The following PCNT variants were observed in gnomAD, a reference collection of about 807,000 sequenced individuals.
The protein encoded by PCNT is pericentrin.
A neutral mutation model predicts 380.4 loss-of-function variants in PCNT; 319 were observed. The ratio of observed to expected loss-of-function variants is 0.84; its 90% CI spans 0.77 to 0.92. PCNT has a LOEUF of 0.92. Ranked by LOEUF, PCNT falls within the 40% of genes least tolerant of loss-of-function variation. The probability of loss-of-function intolerance (pLI) is 0.00; values close to 1 mark genes in which losing one functional copy is unlikely to be tolerated. For synonymous variants in PCNT, 1,845 were observed against 1,735.2 expected, an observed-to-expected ratio of 1.06 and a Z score of -1.57; for missense variants, 4,400 against 4,255.3, an observed-to-expected ratio of 1.03 and a Z score of -0.95.
chr21:46,417,233 A>G (rs1315382646), intron 30 of PCNT, among the ~76,000 whole-genome samples: 8 of 118,860 alleles, frequency 6.7e-5, no homozygotes, highest in Non-Finnish European at 8.0e-5. Context: ...TCGCTCTGTC[A>G]CCCAGGCTAG....
chr21:46,390,983 G>T (rs536527472), intron 20 of PCNT, 151 bp downstream of exon 20: 7 of 1,157,058 alleles, frequency 6.0e-6, no homozygotes, highest in Non-Finnish European at 8.8e-6. Context: ...TGGGAGGAAT[G>T]GGGTGGTCGG....
Position 46,425,755 on chromosome 21 carries a change from CG to C in PCNT, c.7180-72del, listed in dbSNP as rs1308899176. On this transcript the variant is annotated intron_variant, in intron 32 of 46. Transcript: ENST00000359568. This position sits in a 1 kb window ranked among gnomAD's most constrained non-coding sequence, Gnocchi z 4.2. ...CCTTCACAGAGTCCTGGCGGCAGCTCGGGGCCGCAGGTGGTGTAGAGCGTGG... is the reference window on the plus strand; with the variant it reads ...CCTTCACAGAGTCCTGGCGGCAGCTCGGGCCGCAGGTGGTGTAGAGCGTGG... 1 of 1,602,462 alleles carries C rather than the reference CG, an allele frequency of 6.2e-7. No individual in the cohort carries two copies. The highest frequency in any genetic ancestry group is 8.5e-7 in the Non-Finnish European group (1 of 1,175,108).
At chr21:46,444,647 C>CTTTTTTT in intron 45 of PCNT, 47 bp from the exon 46 acceptor site, 1 of 1,471,848 alleles carries the variant, frequency 6.8e-7, no homozygotes, top group South Asian at 1.2e-5. Context: ...AAACTCAACT[C>CTTTTTTT]TTTTTTTTTT....
At chr21:46,426,160 A>G (rs2087497465) in intron 33 of PCNT, among the ~76,000 whole-genome samples, 189 bp downstream of exon 33, 1 of 134,570 alleles carries the variant, frequency 7.4e-6, no homozygotes, top group East Asian at 2.2e-4. Flanking sequence ...CAGCCTCCCG[A>G]GTAGCTGGGA....
chr21:46,405,675 G>A (rs1018765272), intron 27 of PCNT, among the ~76,000 whole-genome samples: 6 of 152,014 alleles, frequency 3.9e-5, no homozygotes, highest in South Asian at 2.1e-4. Context: ...CAGCCTGGGC[G>A]ACAGAGCAAG....
At chr21:46,381,477 C>T (rs2085538504) in intron 15 of PCNT, among the ~76,000 whole-genome samples, 1 of 152,024 alleles carries the variant, frequency 6.6e-6, no homozygotes, top group Non-Finnish European at 1.5e-5. Flanking sequence ...ACTTGTGTCT[C>T]CTTAAGTGTT....
At chr21:46,358,748 C>T (rs1471477672) in intron 13 of PCNT, among the ~76,000 whole-genome samples, 1 of 151,988 alleles carries the variant, frequency 6.6e-6, no homozygotes, top group African/African-American at 2.4e-5. Context: ...CCTCAGCCTC[C>T]CTAGTAGCTG....
chr21:46,336,116 A>G (rs1031006845), intron 3 of PCNT, among the ~76,000 whole-genome samples: 1 of 152,192 alleles, frequency 6.6e-6, no homozygotes, highest in Non-Finnish European at 1.5e-5. Flanking sequence ...AGCTGGGATT[A>G]CAGGAGCATG....
At chr21:46,439,222 G>GC (rs1041123203) in intron 41 of PCNT, among the ~76,000 whole-genome samples, 2 of 151,952 alleles carry the variant, frequency 1.3e-5, no homozygotes, top group East Asian at 1.9e-4. Context: ...CACAGCGATG[G>GC]CCCCCCCAAA....
intron 6 of PCNT, 69 bp downstream of exon 6, chr21:46,347,581 G>A: frequency 7.0e-7 from 1 of 1,423,858 alleles, no homozygotes; most frequent in Non-Finnish European, 9.9e-7. Flanking sequence ...CAGGTCCCAT[G>A]AGAACGCTCC....
At chr21:46,418,859 C>T (rs2087134307) in intron 31 of PCNT, among the ~76,000 whole-genome samples, 1 of 152,258 alleles carries the variant, frequency 6.6e-6, no homozygotes, top group African/African-American at 2.4e-5. Flanking sequence ...GCTGCGTCTC[C>T]CCGGACCTCG....
intron 15 of PCNT, among the ~76,000 whole-genome samples, 165 bp from the exon 16 acceptor site, chr21:46,381,529 T>G (rs1466793334): frequency 6.6e-6 from 1 of 152,214 alleles, no homozygotes; most frequent in Non-Finnish European, 1.5e-5. Context: ...GTGAAGTCCT[T>G]GAACCCATGT....
Position 46,431,788 on chromosome 21 carries a change from C to T in PCNT, c.8324C>T (p.Thr2775Ile). The T allele has an allele frequency of 1.9e-6, 3 of 1,613,388 alleles. No homozygotes were observed. Among genetic ancestry groups the T allele is most frequent in the African/African-American group, 1.3e-5 (1 of 75,046 alleles). The change falls in exon 38 of 47, where the codon ACA (threonine) becomes ATA (isoleucine). Residue 2775 changes from threonine (T) to isoleucine (I), a missense_variant. By Grantham distance (89) the Thr-to-Ile change is moderately conservative. Transcript: ENST00000359568. ...RLLTEQLSQR[T>I]QEACVHQDTQ... ...CTGACCGAGCAGCTGAGCCAGAGGA[C>T]ACAGGAGGCTTGCGTGCACCAGGAC...
intron 25 of PCNT, among the ~76,000 whole-genome samples, chr21:46,400,677 G>A (rs1357424843): frequency 2.0e-5 from 3 of 151,908 alleles, no homozygotes; most frequent in African/African-American, 7.3e-5. Context: ...GCGCCACCAC[G>A]CCTGGCTAAT....
intron 3 of PCNT, among the ~76,000 whole-genome samples, chr21:46,345,658 G>T (rs2084041424): frequency 6.6e-6 from 1 of 152,162 alleles, no homozygotes; most frequent in African/African-American, 2.4e-5. Flanking sequence ...TACACTCACA[G>T]CATGTGTGAG....
chr21:46,430,978 G>A (rs2087737816), intron 37 of PCNT: 18 of 985,444 alleles, frequency 1.8e-5, no homozygotes, highest in South Asian at 4.7e-5. Context: ...TCAGAGGTCT[G>A]TGCACAAGGC....
At chr21:46,435,644 G>A (rs377703323) in intron 38 of PCNT, among the ~76,000 whole-genome samples, 29 of 152,022 alleles carry the variant, frequency 1.9e-4, no homozygotes, top group East Asian at 9.7e-4. Context: ...CCGGGTTCAC[G>A]CCATTCTCCT....
Position 46,391,393 on chromosome 21 carries a change from G to A in PCNT, c.4216+17G>A. ...GAGAAGCTGGTAAGGAGCGCGGGCT[G>A]TGGAGGGTGGTGCGAGCTGTGGGGC... is the stretch of plus-strand genomic sequence containing the variant. On this transcript the variant is annotated intron_variant, in intron 21 of 46. Coordinates refer to ENST00000359568, the MANE Select transcript of PCNT (RefSeq NM_006031.6). 1.3e-6 allele frequency: 2 copies of A among 1,539,568 alleles called. No homozygotes were observed. Among genetic ancestry groups the A allele is most frequent in the Non-Finnish European group, 1.8e-6 (2 of 1,139,022 alleles).
chr21:46,444,645 CTCTT>C (rs754825923), intron 45 of PCNT, 45 bp from the exon 46 acceptor site: 34 of 1,428,890 alleles, frequency 2.4e-5, no homozygotes, highest in African/African-American at 1.3e-4. Context: ...TCAAACTCAA[CTCTT>C]TTTTTTTTTT....
Sources: gnomAD v4.1 joint callset for allele counts (sites outside exome capture counted in the v4.1 genomes callset) on GRCh38, gnomAD v4.1.1 for gene constraint, Gnocchi (gnomAD v3.1) non-coding constraint, MANE v1.5 for transcripts, NCBI Gene and HGNC (gene_info 2026-07-23, HGNC 2026-07-21) for gene names.